Variants in AGTPBP1 observed in about 807,000 individuals in gnomAD.
AGTPBP1 encodes ATP/GTP binding carboxypeptidase 1.
AGTPBP1 carries 70 observed loss-of-function variants against 143.9 expected under a neutral mutation model. That is an observed-to-expected ratio of 0.49 (90% CI 0.40 to 0.59). AGTPBP1 has a LOEUF of 0.59. Ranked by LOEUF, AGTPBP1 falls within the 20% of genes least tolerant of loss-of-function variation. The pLI, the probability that AGTPBP1 is intolerant of heterozygous loss-of-function variation, is 0.00. For missense variants in AGTPBP1, 1,229 were observed against 1,464.5 expected, an observed-to-expected ratio of 0.84 and a Z score of 2.62; for synonymous variants, 463 against 500.2, an observed-to-expected ratio of 0.93 and a Z score of 0.99.
chr9:85,736,327 T>C (rs182822753), intron 1 of AGTPBP1, among the ~76,000 whole-genome samples: 10 of 152,344 alleles, frequency 6.6e-5, no homozygotes. Flanking sequence ...ATAATAATCA[T>C]ATGTATTTAT....
At chr9:85,683,755 T>C (rs1835330067) in intron 3 of AGTPBP1, among the ~76,000 whole-genome samples, 1 of 152,172 alleles carries the variant, frequency 6.6e-6, no homozygotes, top group African/African-American at 2.4e-5. Context: ...TCTGATATCT[T>C]AATCCCTAAT....
chr9:85,667,818 T>C (rs972505760), intron 8 of AGTPBP1, among the ~76,000 whole-genome samples: 2 of 151,812 alleles, frequency 1.3e-5, no homozygotes, highest in Admixed American at 1.3e-4. Context: ...CAGGGAAACT[T>C]TTTTTTATTT....
intron 10 of AGTPBP1, among the ~76,000 whole-genome samples, chr9:85,656,733 A>G (rs1251225237): frequency 6.6e-6 from 1 of 152,210 alleles, no homozygotes; most frequent in African/African-American, 2.4e-5. Flanking sequence ...GCTGGCAGAT[A>G]TAGCATTCCC....
At chr9:85,652,882 T>C (rs1343585766) in intron 11 of AGTPBP1, among the ~76,000 whole-genome samples, 2 of 152,174 alleles carry the variant, frequency 1.3e-5, no homozygotes, top group Non-Finnish European at 2.9e-5. Flanking sequence ...CTGTGGGGTC[T>C]GTATTAACTC....
At chr9:85,650,114 C>T (rs1042068011) in intron 11 of AGTPBP1, among the ~76,000 whole-genome samples, 3 of 138,020 alleles carry the variant, frequency 2.2e-5, no homozygotes, top group African/African-American at 5.4e-5. Flanking sequence ...TTTGGGAGAA[C>T]TAATCTATGA....
Position 85,712,522 on chromosome 9 carries a change from T to C in AGTPBP1, c.12A>G (p.Leu4=), listed in dbSNP as rs758463840. The C allele has an allele frequency of 6.6e-7, 1 of 1,504,112 alleles. No homozygotes were observed. Among genetic ancestry groups the C allele is most frequent in the Admixed American group, 2.0e-5 (1 of 49,752 alleles). 93.2% of individuals were successfully genotyped at this position (1,504,112 alleles called of 1,614,324 possible). A position where few individuals can be genotyped will look rare whatever the true frequency, so the allele number is the denominator to read the frequency against. The change falls in exon 2 of 26, where the codon TTA becomes TTG. Residue 4 remains leucine, a synonymous_variant. Transcript: ENST00000357081. Reference sequence around the variant, plus strand: ...AGTACCTTTTTTCTGGTATCACTTTTAACTTGCTCATCTTGAGTTACTTCA... The same window carrying C: ...AGTACCTTTTTTCTGGTATCACTTTCAACTTGCTCATCTTGAGTTACTTCA... MSK[L]KVIPEKSLTN... is the part of the protein sequence containing the mutation.
chr9:85,697,912 TTC>T (rs1266856274), intron 2 of AGTPBP1, among the ~76,000 whole-genome samples: 1 of 152,178 alleles, frequency 6.6e-6, no homozygotes, highest in Non-Finnish European at 1.5e-5. Context: ...CTTGATCTGG[TTC>T]TTTTTGGTGA....
At chr9:85,759,881 TAAAG>T in the AGTPBP1 span, among the ~76,000 whole-genome samples, 7 of 151,520 alleles carry the variant, frequency 4.6e-5, no homozygotes, top group East Asian at 1.2e-3. Context: ...GCAAGACTAA[TAAAG>T]AAGAAAAGAG....
At chr9:85,625,130 C>T (rs1378760059) in intron 14 of AGTPBP1, among the ~76,000 whole-genome samples, 2 of 152,212 alleles carry the variant, frequency 1.3e-5, no homozygotes, top group Non-Finnish European at 2.9e-5. Flanking sequence ...TGCACACAGA[C>T]ATGTGAGATT....
chr9:85,587,333 T>C (rs1828677108), intron 21 of AGTPBP1, among the ~76,000 whole-genome samples: 1 of 152,196 alleles, frequency 6.6e-6, no homozygotes, highest in Non-Finnish European at 1.5e-5. Flanking sequence ...TATGTTAGCA[T>C]GCTATATCTT....
the AGTPBP1 span, among the ~76,000 whole-genome samples, chr9:85,754,821 G>C: frequency 6.6e-6 from 1 of 152,068 alleles, no homozygotes; most frequent in South Asian, 2.1e-4. Flanking sequence ...GTCATCACCA[G>C]TTGTAATTTT....
At chr9:85,781,315 C>T in the AGTPBP1 span, 2 of 1,567,368 alleles carry the variant, frequency 1.3e-6, no homozygotes, top group African/African-American at 2.8e-5. Context: ...TAAGAAGAAA[C>T]TTAAGGAACT....
chr9:85,711,760 C>A (rs906198168), intron 2 of AGTPBP1, among the ~76,000 whole-genome samples: 2 of 152,002 alleles, frequency 1.3e-5, no homozygotes, highest in Admixed American at 1.3e-4. Context: ...CTGTAAAGGG[C>A]CAAATAGTAT....
intron 2 of AGTPBP1, among the ~76,000 whole-genome samples, chr9:85,697,930 GAT>G (rs1365905422): frequency 6.6e-6 from 1 of 152,126 alleles, no homozygotes; most frequent in Non-Finnish European, 1.5e-5. Context: ...GGTGAGAAAT[GAT>G]ATATAAGTCA....
chr9:85,699,308 T>A (rs1285806544), intron 2 of AGTPBP1, among the ~76,000 whole-genome samples: 1 of 152,170 alleles, frequency 6.6e-6, no homozygotes, highest in Non-Finnish European at 1.5e-5. Flanking sequence ...AAGGGCATTA[T>A]CACTCAAATA....
At chr9:85,785,341 A>T in the AGTPBP1 span, among the ~76,000 whole-genome samples, 1 of 150,042 alleles carries the variant, frequency 6.7e-6, no homozygotes, top group Non-Finnish European at 1.5e-5. Flanking sequence ...CTCAAAAAAA[A>T]ACAAACAAAA....
chr9:85,756,338 G>A, the AGTPBP1 span: 1 of 1,368,680 alleles, frequency 7.3e-7, no homozygotes, highest in Admixed American at 3.0e-5. Flanking sequence ...AACATAATAA[G>A]AAATGTGTGG....
intron 17 of AGTPBP1, among the ~76,000 whole-genome samples, chr9:85,609,086 A>G (rs76738944): frequency 0.011 from 1,633 of 152,274 alleles, 28 homozygotes; most frequent in African/African-American, 0.037. Context: ...GTTAAGGTAT[A>G]AGTATAATCT....
At chr9:85,784,668 C>A in the AGTPBP1 span, among the ~76,000 whole-genome samples, 1 of 152,106 alleles carries the variant, frequency 6.6e-6, no homozygotes, top group Non-Finnish European at 1.5e-5. Context: ...GTTCCATGTA[C>A]GAGGATCTAG....
Sources: allele counts gnomAD v4.1 joint callset (sites outside exome capture counted in the v4.1 genomes callset), GRCh38; gene constraint gnomAD v4.1.1; transcripts MANE v1.5; gene names NCBI Gene and HGNC (gene_info 2026-07-23, HGNC 2026-07-21).